ERBB4: variants seen among roughly 807,000 people sequenced by gnomAD.
ERBB4 encodes receptor tyrosine-protein kinase erbB-4.
ERBB4 carries 42 observed loss-of-function variants against 158.0 expected under a neutral mutation model. The ratio of observed to expected loss-of-function variants is 0.27; its 90% CI spans 0.21 to 0.34. The LOEUF (loss-of-function observed/expected upper bound fraction) is 0.34. ERBB4 is among the 10% of genes least tolerant of loss of function. The pLI is 1.00. For missense variants in ERBB4, 1,333 were observed against 1,624.1 expected (o/e 0.82, Z 3.08); for synonymous variants, 583 against 558.7 (o/e 1.04, Z -0.61).
At chr2:212,375,394 T>A (rs1417247263) in intron 1 of ERBB4, among the ~76,000 whole-genome samples, 1 of 152,122 alleles carries the variant, frequency 6.6e-6, no homozygotes, top group Non-Finnish European at 1.5e-5. Context: ...ACTTGATACC[T>A]AATCTTGCCT....
chr2:211,497,528 A>G (rs1314322934), intron 20 of ERBB4, among the ~76,000 whole-genome samples: 2 of 152,146 alleles, frequency 1.3e-5, no homozygotes, highest in East Asian at 3.9e-4. Context: ...AGGATGAATA[A>G]GGGCATCACT....
intron 20 of ERBB4, among the ~76,000 whole-genome samples, chr2:211,479,428 C>T (rs1490569865): frequency 6.6e-6 from 1 of 152,114 alleles, no homozygotes; most frequent in Non-Finnish European, 1.5e-5. Flanking sequence ...GGATAGCCCA[C>T]TATTCATGTA....
chr2:212,064,989 GT>G (rs2077895635), intron 2 of ERBB4, among the ~76,000 whole-genome samples: 6 of 4,588 alleles, frequency 1.3e-3, no homozygotes, highest in East Asian at 0.12. Flanking sequence ...CATCTTTATG[GT>G]GTGTGTGTGT....
chr2:211,648,690 A>G (rs2070870615), intron 16 of ERBB4, among the ~76,000 whole-genome samples: 6 of 151,836 alleles, frequency 4.0e-5, no homozygotes, highest in Admixed American at 3.3e-4. Flanking sequence ...ATGATACACA[A>G]TCTAAGATTC....
At chr2:211,938,522 C>G (rs1242414982) in intron 3 of ERBB4, among the ~76,000 whole-genome samples, 1 of 152,206 alleles carries the variant, frequency 6.6e-6, no homozygotes, top group African/African-American at 2.4e-5. Flanking sequence ...ATAAAAATTC[C>G]TATCTTCATT....
intron 3 of ERBB4, among the ~76,000 whole-genome samples, chr2:211,816,712 G>A (rs932805729): frequency 6.6e-6 from 1 of 151,618 alleles, no homozygotes; most frequent in Non-Finnish European, 1.5e-5. Flanking sequence ...TCACATAAAC[G>A]GACCACCACC....
intron 5 of ERBB4, among the ~76,000 whole-genome samples, chr2:211,733,354 C>A (rs2074490434): frequency 6.6e-6 from 1 of 152,054 alleles, no homozygotes; most frequent in Non-Finnish European, 1.5e-5. Context: ...TAAAAATATT[C>A]TTGAGAGTGA....
At chr2:211,428,600 A>T (rs2063684876) in intron 21 of ERBB4, 117 bp from the exon 22 acceptor site, 2 of 588,848 alleles carry the variant, frequency 3.4e-6, no homozygotes, top group South Asian at 2.1e-5. Context: ...TTATGTGTGT[A>T]TAGATATAAC....
At chr2:211,950,078 G>T (rs1277656993) in intron 2 of ERBB4, among the ~76,000 whole-genome samples, 1 of 152,092 alleles carries the variant, frequency 6.6e-6, no homozygotes, top group Non-Finnish European at 1.5e-5. Flanking sequence ...TGCCTGTGGA[G>T]TGAAGAAAAA....
At chr2:211,599,695 G>A (rs16846560) in intron 19 of ERBB4, among the ~76,000 whole-genome samples, 1 of 152,008 alleles carries the variant, frequency 6.6e-6, no homozygotes, top group South Asian at 2.1e-4. Context: ...TTAATAATAA[G>A]GTTGACAGTA....
rs554357703 is a variant in ERBB4, at chr2:211,788,184, A to AT, written c.422-26dup. On this transcript the variant is annotated intron_variant, in intron 3 of 27. Transcript: ENST00000342788. ...TCTGTATTAAAAAACAAATAAACAAATTTTTTGTCAAACTGCTTGTTGATG... is the reference window on the plus strand; with the variant it reads ...TCTGTATTAAAAAACAAATAAACAAATTTTTTTGTCAAACTGCTTGTTGATG... 278 of 1,590,576 alleles carry AT rather than the reference A, an allele frequency of 1.7e-4. 2 individuals carry two copies. The Middle Eastern group carries it at 1.8e-3, about 10-fold the overall frequency.
intron 3 of ERBB4, among the ~76,000 whole-genome samples, chr2:211,790,361 A>G (rs1260153291): frequency 6.6e-6 from 1 of 152,110 alleles, no homozygotes; most frequent in Non-Finnish European, 1.5e-5. Flanking sequence ...CATTGCAGAA[A>G]GAGTGTATAT....
At chr2:211,545,538 A>G (rs1217282881) in intron 20 of ERBB4, among the ~76,000 whole-genome samples, 1 of 152,118 alleles carries the variant, frequency 6.6e-6, no homozygotes, top group Non-Finnish European at 1.5e-5. Context: ...TAAATCATTC[A>G]TTTTATTTTT....
At chr2:212,368,844 A>C (rs1164688447) in intron 1 of ERBB4, among the ~76,000 whole-genome samples, 1 of 152,150 alleles carries the variant, frequency 6.6e-6, no homozygotes, top group Non-Finnish European at 1.5e-5. Flanking sequence ...GTTGGAAGAC[A>C]TATGAGCTCG....
At chr2:212,440,843 G>A (rs977681385) in intron 1 of ERBB4, among the ~76,000 whole-genome samples, 2 of 152,186 alleles carry the variant, frequency 1.3e-5, no homozygotes, top group Non-Finnish European at 2.9e-5. Context: ...GGAACGTAAT[G>A]AAACTGGTTG....
At chr2:212,455,182 G>T (rs1029536918) in intron 1 of ERBB4, among the ~76,000 whole-genome samples, 1 of 127,528 alleles carries the variant, frequency 7.8e-6, no homozygotes. Flanking sequence ...TTGTTTACAT[G>T]ATGCTATTTT....
At chr2:211,426,331 T>C (rs1178962732) in intron 22 of ERBB4, among the ~76,000 whole-genome samples, 4 of 152,130 alleles carry the variant, frequency 2.6e-5, no homozygotes, top group Non-Finnish European at 5.9e-5. Context: ...CCAGTGCTTA[T>C]TTTGTAAAAA....
chr2:211,985,671 T>C (rs2081919614), intron 2 of ERBB4, among the ~76,000 whole-genome samples: 1 of 151,868 alleles, frequency 6.6e-6, no homozygotes, highest in African/African-American at 2.4e-5. Flanking sequence ...AAATATAATT[T>C]AATTTAAATT....
At chr2:211,968,488 A>C (rs919577354) in intron 2 of ERBB4, among the ~76,000 whole-genome samples, 2 of 152,086 alleles carry the variant, frequency 1.3e-5, no homozygotes, top group Non-Finnish European at 2.9e-5. Flanking sequence ...TATGAAATAC[A>C]TAAAACAGAG....
Sources: gnomAD v4.1 joint callset for allele counts (sites outside exome capture counted in the v4.1 genomes callset) on GRCh38, gnomAD v4.1.1 for gene constraint, MANE v1.5 for transcripts, NCBI Gene and HGNC (gene_info 2026-07-23, HGNC 2026-07-21) for gene names.